Variants in FOXP2 observed in about 807,000 individuals in gnomAD.
FOXP2 encodes forkhead box protein P2.
In FOXP2, 12 loss-of-function variants were observed where a neutral mutation model predicts 115.8. The ratio of observed to expected loss-of-function variants is 0.10; its 90% CI spans 0.07 to 0.17. The LOEUF is 0.17. FOXP2 is among the 10% of genes least tolerant of loss of function. The pLI is 1.00. For missense variants in FOXP2, 629 were observed against 843.5 expected, an observed-to-expected ratio of 0.75 and a Z score of 3.15; for synonymous variants, 328 against 297.7, an observed-to-expected ratio of 1.10 and a Z score of -1.05.
chr7:114,152,223 C>T (rs932149145), intron 1 of FOXP2, among the ~76,000 whole-genome samples: 73 of 152,202 alleles, frequency 4.8e-4, no homozygotes, highest in African/African-American at 1.6e-3. Flanking sequence ...ATTGTTCCGA[C>T]ATTATCTATT....
intron 2 of FOXP2, among the ~76,000 whole-genome samples, chr7:114,379,839 A>C (rs1792239238): frequency 1.3e-5 from 2 of 152,156 alleles, no homozygotes; most frequent in Non-Finnish European, 1.5e-5. Flanking sequence ...GGTGCTATCA[A>C]TGCCTAAGTG....
intron 2 of FOXP2, among the ~76,000 whole-genome samples, chr7:114,321,901 A>G (rs932700413): frequency 2.0e-5 from 3 of 152,220 alleles, no homozygotes; most frequent in Admixed American, 2.0e-4. Context: ...GCTATTAAAT[A>G]GAGAAAGCCA....
At chr7:114,509,810 T>G (rs1473400434) in intron 2 of FOXP2, among the ~76,000 whole-genome samples, 2 of 151,606 alleles carry the variant, frequency 1.3e-5, no homozygotes, top group Non-Finnish European at 2.9e-5. Context: ...TAGATAAAAA[T>G]CTATGAGTTG....
At chr7:114,396,022 A>G (rs961285985) in intron 2 of FOXP2, among the ~76,000 whole-genome samples, 22 of 152,002 alleles carry the variant, frequency 1.4e-4, no homozygotes, top group African/African-American at 3.1e-4. Flanking sequence ...CAATCCAATT[A>G]TATTCTTTTA....
At chr7:114,100,469 A>T (rs1799753874) in intron 1 of FOXP2, among the ~76,000 whole-genome samples, 1 of 152,152 alleles carries the variant, frequency 6.6e-6, no homozygotes, top group Non-Finnish European at 1.5e-5. Flanking sequence ...TTTTTTGATA[A>T]ATTGCAATTT....
chr7:114,488,166 A>T (rs1796879298), intron 2 of FOXP2, among the ~76,000 whole-genome samples: 1 of 152,186 alleles, frequency 6.6e-6, no homozygotes, highest in African/African-American at 2.4e-5. Context: ...AGGCAAGAGC[A>T]CATGTGCAAA....
intron 10 of FOXP2, among the ~76,000 whole-genome samples, chr7:114,657,473 T>G (rs1806649335): frequency 6.6e-6 from 1 of 152,190 alleles, no homozygotes; most frequent in African/African-American, 2.4e-5. Flanking sequence ...CAGATTTAAT[T>G]TGAAAATTTT....
chr7:114,371,586 TTACCCACAA>T (rs1274763306), intron 2 of FOXP2, among the ~76,000 whole-genome samples: 5 of 152,294 alleles, frequency 3.3e-5, no homozygotes, highest in Admixed American at 6.5e-5. Context: ...ATATTTGTTA[TTACCCACAA>T]TCTGCCACTT....
intron 10 of FOXP2, among the ~76,000 whole-genome samples, 188 bp from the exon 11 acceptor site, chr7:114,657,878 A>G (rs781047578): frequency 6.6e-6 from 1 of 152,194 alleles, no homozygotes; most frequent in Non-Finnish European, 1.5e-5. Flanking sequence ...AACCTCTAAC[A>G]GAATCCTCTA....
In FOXP2 at chr7:114,443,848, G is replaced by A. The variant is rs143190735; in HGVS notation, c.168+17169G>A. Among the ~76,000 whole-genome samples, 887 of 152,186 alleles carry A rather than the reference G, an allele frequency of 5.8e-3. 8 individuals are homozygous for A. The highest frequency in any genetic ancestry group is 0.02 in the African/African-American group (847 of 41,522). On this transcript the variant is annotated intron_variant, in intron 2 of 16. Transcript: ENST00000350908. The stretch of plus-strand genomic sequence containing the variant: ...TGATGGGCATTTAGGTTGATTCCAT[G>A]TCTTTGCTATTCTGAATGGTGCTGA...
chr7:114,209,523 G>C (rs1415508434), intron 1 of FOXP2, among the ~76,000 whole-genome samples: 1 of 152,146 alleles, frequency 6.6e-6, no homozygotes, highest in African/African-American at 2.4e-5. Flanking sequence ...TCCACTTTTA[G>C]TCTGATGGGC....
intron 2 of FOXP2, among the ~76,000 whole-genome samples, chr7:114,456,064 C>T (rs1795300528): frequency 1.3e-5 from 2 of 152,202 alleles, no homozygotes; most frequent in South Asian, 4.1e-4. Flanking sequence ...CCTCCCCTCA[C>T]TCTCATCCTC....
At chr7:114,214,189 T>C (rs1335347372) in intron 1 of FOXP2, among the ~76,000 whole-genome samples, 2 of 152,202 alleles carry the variant, frequency 1.3e-5, no homozygotes, top group African/African-American at 4.8e-5. Context: ...ATGATATCAC[T>C]ATTCTTATTC....
At chr7:114,141,415 C>T (rs1050441320) in intron 1 of FOXP2, among the ~76,000 whole-genome samples, 2 of 152,162 alleles carry the variant, frequency 1.3e-5, no homozygotes, top group East Asian at 1.9e-4. Flanking sequence ...TTTCCCAAAA[C>T]GGACCTCAAA....
intron 3 of FOXP2, among the ~76,000 whole-genome samples, chr7:114,560,313 A>T (rs757655669): frequency 1.3e-5 from 2 of 152,106 alleles, no homozygotes; most frequent in African/African-American, 2.4e-5. Context: ...TATTTATAAA[A>T]GTGAAATTAT....
chr7:114,187,025 G>GA (rs760539149), intron 1 of FOXP2, among the ~76,000 whole-genome samples: 3 of 152,164 alleles, frequency 2.0e-5, no homozygotes, highest in Non-Finnish European at 4.4e-5. Flanking sequence ...GAACAACCTG[G>GA]AAAATCTCCA....
chr7:114,440,541 T>A (rs377755596), intron 2 of FOXP2, among the ~76,000 whole-genome samples: 20 of 152,300 alleles, frequency 1.3e-4, no homozygotes, highest in South Asian at 8.3e-4. Flanking sequence ...GTGTTAGATA[T>A]TTTGTATGAT....
rs1044321673 is a variant in FOXP2 at position 114,691,040 on chromosome 7, C to T, written c.*1114C>T. The T allele has an allele frequency of 2.2e-6, 1 of 454,160 alleles. No individual in the cohort carries two copies. The highest frequency in any genetic ancestry group is 4.4e-6 in the Non-Finnish European group (1 of 226,756). 28.1% of individuals were successfully genotyped at this position (454,160 alleles called of 1,614,324 possible). On this transcript the variant is annotated 3_prime_UTR_variant, in exon 17 of 17. Coordinates refer to ENST00000350908, the MANE Select transcript of FOXP2 (RefSeq NM_014491.4). ...AAGACAGAGGTGAGGACAAAATCCG[C>T]AGTGGAAGTTATGATATGCTAGAAA...
At chr7:114,249,362 TC>T (rs762270980) in intron 1 of FOXP2, among the ~76,000 whole-genome samples, 7 of 151,784 alleles carry the variant, frequency 4.6e-5, no homozygotes, top group African/African-American at 1.5e-4. Context: ...ATGCTCTCCT[TC>T]CCCCCCGTTC....
Sources: gnomAD v4.1 joint callset for allele counts (sites outside exome capture counted in the v4.1 genomes callset) on GRCh38, gnomAD v4.1.1 for gene constraint, MANE v1.5 for transcripts, NCBI Gene and HGNC (gene_info 2026-07-23, HGNC 2026-07-21) for gene names.